NALF1: variants seen among roughly 807,000 people sequenced by gnomAD.
NALF1 encodes NALCN channel auxiliary factor 1, also known as family with sequence similarity 155 member A.
A neutral mutation model predicts 48.4 loss-of-function variants in NALF1; 3 were observed. The ratio of observed to expected loss-of-function variants is 0.06; its 90% CI spans 0.03 to 0.16. The LOEUF is 0.16. NALF1 is among the 10% of genes least tolerant of loss of function. The pLI, the probability that NALF1 is intolerant of heterozygous loss-of-function variation, is 1.00. For synonymous variants in NALF1, 262 were observed against 245.7 expected (o/e 1.07, Z -0.62); for missense variants, 526 against 571.5 (o/e 0.92, Z 0.81).
intron 1 of NALF1, among the ~76,000 whole-genome samples, chr13:107,377,569 C>G (rs920002560): frequency 6.6e-6 from 1 of 151,638 alleles, no homozygotes; most frequent in Non-Finnish European, 1.5e-5. Context: ...CCCAAGAGTT[C>G]GAAACCAGCC....
At chr13:107,593,754 T>C (rs934444557) in intron 1 of NALF1, among the ~76,000 whole-genome samples, 5 of 151,452 alleles carry the variant, frequency 3.3e-5, no homozygotes, top group African/African-American at 9.7e-5. Flanking sequence ...TCACTGCATA[T>C]CTAGAAAAAT....
intron 1 of NALF1, among the ~76,000 whole-genome samples, chr13:107,560,549 T>G: frequency 6.6e-6 from 1 of 152,222 alleles, no homozygotes; most frequent in East Asian, 1.9e-4. Context: ...AACTATATTT[T>G]TAATATAGTA....
At chr13:107,289,378 T>TAC (rs1401122356) in intron 1 of NALF1, among the ~76,000 whole-genome samples, 2 of 152,228 alleles carry the variant, frequency 1.3e-5, no homozygotes, top group African/African-American at 4.8e-5. Context: ...CTTAGAACAG[T>TAC]ACCTGGCACA....
chr13:107,354,857 G>T (rs929874153), intron 1 of NALF1, among the ~76,000 whole-genome samples: 3 of 152,086 alleles, frequency 2.0e-5, no homozygotes, highest in African/African-American at 7.2e-5. Context: ...ATCTGCAATG[G>T]CATGAGGTCC....
chr13:107,556,270 AACAT>A (rs1566391645), intron 1 of NALF1, among the ~76,000 whole-genome samples: 1 of 42,770 alleles, frequency 2.3e-5, no homozygotes, highest in African/African-American at 7.8e-5. Flanking sequence ...TCTCTCTCTC[AACAT>A]ATATATATAT....
intron 1 of NALF1, among the ~76,000 whole-genome samples, chr13:107,550,814 G>A (rs1239319829): frequency 6.6e-6 from 1 of 151,908 alleles, no homozygotes; most frequent in Non-Finnish European, 1.5e-5. Flanking sequence ...CCTGGCTCAG[G>A]TGACCTGAGA....
chr13:107,443,069 A>C (rs753380257), intron 1 of NALF1, among the ~76,000 whole-genome samples: 3 of 152,196 alleles, frequency 2.0e-5, no homozygotes, highest in Admixed American at 1.3e-4. Context: ...TGGTGGGTTA[A>C]AGTGCGAAAG....
In NALF1 at chr13:107,558,987, G is replaced by A. The variant is rs551800288; in HGVS notation, c.915+306695C>T. On this transcript the variant is annotated intron_variant, in intron 1 of 2. Transcript: ENST00000375915. Reference sequence around the variant, plus strand: ...AGTGGGCCTGGGCTGGAAGGAAACCGTGGGCTTTCCTGGCCCCCCACCCTG... The same window carrying A: ...AGTGGGCCTGGGCTGGAAGGAAACCATGGGCTTTCCTGGCCCCCCACCCTG... 2.5e-4 allele frequency among the ~76,000 whole-genome samples: 38 copies of A among 152,278 alleles called. 1 individual carries two copies. In the South Asian group the frequency reaches 5.6e-3, roughly 22 times the overall value.
intron 1 of NALF1, among the ~76,000 whole-genome samples, chr13:107,357,134 G>A (rs574207893): frequency 1.1e-3 from 162 of 152,232 alleles, no homozygotes; most frequent in Non-Finnish European, 2.0e-3. Context: ...ACAAATACCC[G>A]AGACTGGGTA....
intron 1 of NALF1, among the ~76,000 whole-genome samples, chr13:107,253,325 T>C (rs186993182): frequency 6.6e-6 from 1 of 152,302 alleles, no homozygotes; most frequent in East Asian, 1.9e-4. Context: ...CCAGGAGGTC[T>C]TTCCTAAATG....
chr13:107,211,433 G>T (rs544428825), intron 1 of NALF1, among the ~76,000 whole-genome samples: 3 of 152,284 alleles, frequency 2.0e-5, no homozygotes, highest in African/African-American at 7.2e-5. Flanking sequence ...TCAACCTTCT[G>T]GATGATGTGC....
intron 1 of NALF1, among the ~76,000 whole-genome samples, chr13:107,536,472 G>GA (rs1474007808): frequency 6.6e-6 from 1 of 152,114 alleles, no homozygotes; most frequent in African/African-American, 2.4e-5. Flanking sequence ...AAAGACACAT[G>GA]AAAAAATGCT....
At chr13:107,230,925 G>C (rs1442890637) in intron 1 of NALF1, among the ~76,000 whole-genome samples, 1 of 151,710 alleles carries the variant, frequency 6.6e-6, no homozygotes, top group East Asian at 1.9e-4. Flanking sequence ...CCAGACATTG[G>C]GGTGTATGCC....
chr13:107,309,752 G>C (rs1882008867), intron 1 of NALF1, among the ~76,000 whole-genome samples: 1 of 152,158 alleles, frequency 6.6e-6, no homozygotes, highest in Non-Finnish European at 1.5e-5. Context: ...CTATAATATA[G>C]TTGGAACACA....
chr13:107,308,554 A>G (rs1881986140), intron 1 of NALF1, among the ~76,000 whole-genome samples: 1 of 152,172 alleles, frequency 6.6e-6, no homozygotes, highest in African/African-American at 2.4e-5. Flanking sequence ...TTTAAAAAGG[A>G]AATTGAGAAA....
chr13:107,636,026 G>A (rs1879966311), intron 1 of NALF1, among the ~76,000 whole-genome samples: 1 of 152,072 alleles, frequency 6.6e-6, no homozygotes, highest in South Asian at 2.1e-4. Context: ...AAATAAATAG[G>A]GGAAGCTACC....
chr13:107,805,501 T>C (rs1014650135), intron 1 of NALF1, among the ~76,000 whole-genome samples: 1 of 152,032 alleles, frequency 6.6e-6, no homozygotes, highest in African/African-American at 2.4e-5. Flanking sequence ...TTCCCCACTC[T>C]CCCAGGAGCT....
chr13:107,265,815 T>G (rs1004483901), intron 1 of NALF1, among the ~76,000 whole-genome samples: 5 of 152,204 alleles, frequency 3.3e-5, no homozygotes, highest in Non-Finnish European at 7.3e-5. Context: ...TTGAAATTTT[T>G]TGGTCATTTT....
intron 1 of NALF1, among the ~76,000 whole-genome samples, chr13:107,443,574 A>C (rs1467949280): frequency 6.6e-6 from 1 of 152,246 alleles, no homozygotes; most frequent in Non-Finnish European, 1.5e-5. Context: ...ACTTAAAAAT[A>C]AGTCCAAATA....
Sources: gnomAD v4.1 joint callset for allele counts (sites outside exome capture counted in the v4.1 genomes callset) on GRCh38, gnomAD v4.1.1 for gene constraint, MANE v1.5 for transcripts, NCBI Gene and HGNC (gene_info 2026-07-23, HGNC 2026-07-21) for gene names.